MLX: variants seen among roughly 807,000 people sequenced by gnomAD.
MLX encodes MAX dimerization protein MLX.
In MLX, 15 loss-of-function variants were observed where a neutral mutation model predicts 33.0. The observed-to-expected ratio is 0.45, with a 90% CI of 0.30 to 0.70. The LOEUF is 0.70. Ranked by LOEUF, MLX falls within the 30% of genes least tolerant of loss-of-function variation. The pLI is 0.07. For missense variants in MLX, 285 were observed against 306.3 expected (o/e 0.93, Z 0.52); for synonymous variants, 115 against 115.6 (o/e 0.99, Z 0.03).
chr17:42,570,232 G>C, intron 7 of MLX, 49 bp downstream of exon 7: 1 of 1,582,886 alleles, frequency 6.3e-7, no homozygotes, highest in East Asian at 2.2e-5. Context: ...CTACCATCAA[G>C]CAAAGTGGCC....
In MLX at chr17:42,572,579, C is replaced by CTAGT; in HGVS notation, c.*977_*978insAGTT. 2.2e-6 allele frequency: 1 copy of CTAGT among 453,798 alleles called. No individual in the cohort carries two copies. The highest frequency in any genetic ancestry group is 4.4e-6 in the Non-Finnish European group (1 of 226,456). 28.1% of individuals were successfully genotyped at this position (453,798 alleles called of 1,614,324 possible). ...CCAAATGCTCGTTTTATAGCAACCT[C>CTAGT]TCTCTACCCTAGTTCTCCAAATTCA... On this transcript the variant is annotated 3_prime_UTR_variant, in exon 8 of 8. Transcript: ENST00000435881.
rs1398163676 is a variant in MLX, at chr17:42,572,017, A to C, written c.*414A>C. 1 of 257,230 alleles carries C rather than the reference A, an allele frequency of 3.9e-6. No homozygotes were observed. Among genetic ancestry groups the C allele is most frequent in the Non-Finnish European group, 7.5e-6 (1 of 133,176 alleles). The allele number at this position is 257,230 out of a possible 1,614,324, so 15.9% of individuals were successfully genotyped here. A position where few individuals can be genotyped will look rare whatever the true frequency, so the allele number is the denominator to read the frequency against. Reference sequence around the variant, plus strand: ...AACATTTTTGGCCCAAGTTTGGGCAACATTTGGCCCAAGTTTGGGCATTTT... The same window carrying C: ...AACATTTTTGGCCCAAGTTTGGGCACCATTTGGCCCAAGTTTGGGCATTTT... On this transcript the variant is annotated 3_prime_UTR_variant, in exon 8 of 8. Transcript: ENST00000435881.
intron 1 of MLX, 113 bp downstream of exon 1, chr17:42,567,279 C>G: frequency 7.4e-7 from 1 of 1,347,048 alleles, no homozygotes; most frequent in Non-Finnish European, 9.6e-7. Context: ...CCCACGCTCT[C>G]CGTGCCCCGG....
intron 7 of MLX, 57 bp from the exon 8 acceptor site, chr17:42,571,490 A>C: frequency 1.3e-6 from 2 of 1,579,544 alleles, no homozygotes; most frequent in South Asian, 1.1e-5. Flanking sequence ...GGCATCTTGG[A>C]AACTACTCTG....
chr17:42,567,708 C>G, intron 2 of MLX, 53 bp downstream of exon 2: 2 of 1,613,080 alleles, frequency 1.2e-6, no homozygotes, highest in Non-Finnish European at 1.7e-6. Context: ...CCCAGGCTCT[C>G]TAGATTCTTG....
At position 42,572,034 on chromosome 17, in the gene MLX, G is replaced by T; in HGVS notation, c.*431G>T. ...TTTGGGCAACATTTGGCCCAAGTTT[G>T]GGCATTTTGGCAGTAGCTGTATGGG... On this transcript the variant is annotated 3_prime_UTR_variant, in exon 8 of 8. Transcript: ENST00000435881. 1 of 255,222 alleles carries T rather than the reference G, an allele frequency of 3.9e-6. No homozygotes were observed. Among genetic ancestry groups the T allele is most frequent in the South Asian group, 4.2e-5 (1 of 23,896 alleles). The allele number at this position is 255,222 out of a possible 1,614,324, so 15.8% of individuals were successfully genotyped here. A position where few individuals can be genotyped will look rare whatever the true frequency, so the allele number is the denominator to read the frequency against.
At position 42,569,774 on chromosome 17, in the gene MLX, C is replaced by T. The variant is rs1160263424; in HGVS notation, c.476+168C>T. 13 of 718,778 alleles carry T rather than the reference C, an allele frequency of 1.8e-5. No individual in the cohort carries two copies. The East Asian group carries it at 3.2e-4, about 18-fold the overall frequency. The allele number at this position is 718,778 out of a possible 1,614,324, so 44.5% of individuals were successfully genotyped here. A position where few individuals can be genotyped will look rare whatever the true frequency, so the allele number is the denominator to read the frequency against. ...CAACTGTCCTTACACATGGCAGACA[C>T]TCAGGAAATGCCTGTTGGATTAATG... On this transcript the variant is annotated intron_variant, in intron 6 of 7. Coordinates refer to ENST00000435881, the MANE Select transcript of MLX (RefSeq NM_198204.2).
chr17:42,568,077 T>C, intron 2 of MLX: 1 of 229,420 alleles, frequency 4.4e-6, no homozygotes, highest in South Asian at 6.6e-5. Context: ...AAAGCCATTG[T>C]GTGGCCGGGC....
At chr17:42,571,190 T>A (rs1179852428) in intron 7 of MLX, among the ~76,000 whole-genome samples, 1 of 139,444 alleles carries the variant, frequency 7.2e-6, no homozygotes, top group Non-Finnish European at 1.5e-5. Flanking sequence ...AAGGCTGGAG[T>A]GCAGTGGTGT....
At chr17:42,569,467 T>C (rs774431952) in intron 5 of MLX, 40 bp from the exon 6 acceptor site, 39 of 1,566,076 alleles carry the variant, frequency 2.5e-5, no homozygotes, top group Non-Finnish European at 3.3e-5. Flanking sequence ...TGGTTGAGAA[T>C]ACTTCTGTAC....
chr17:42,569,768 C>T, intron 6 of MLX, 162 bp downstream of exon 6: 1 of 720,938 alleles, frequency 1.4e-6, no homozygotes, highest in Non-Finnish European at 2.4e-6. Context: ...TTACACATGG[C>T]AGACACTCAG....
In MLX at chr17:42,567,639, C is replaced by T. The variant is rs756809459; in HGVS notation, c.63C>T (p.Asp21=). 6.2e-7 allele frequency: 1 copy of T among 1,613,996 alleles called. No individual in the cohort carries two copies. The highest frequency in any genetic ancestry group is 8.5e-7 in the Non-Finnish European group (1 of 1,180,004). ...PWVKVEYAYS[D]NSLDPGLFVE... ...CGCAGGTGGAGTATGCCTACAGCGACAACAGCCTGGACCCCGGTGAGTAGC... is the reference window on the plus strand; with the variant it reads ...CGCAGGTGGAGTATGCCTACAGCGATAACAGCCTGGACCCCGGTGAGTAGC... Residue 21 remains aspartate, a synonymous_variant, in exon 2 of 8, where the codon GAC becomes GAT. Transcript: ENST00000435881.
At position 42,572,919 on chromosome 17, in the gene MLX, T is replaced by C. The variant is rs1239953808; in HGVS notation, c.*1316T>C. On this transcript the variant is annotated 3_prime_UTR_variant, in exon 8 of 8. Transcript: ENST00000435881. ...AACAAGGTAGCCAGTGCAAGACATC[T>C]CACTCTTCTGACATCCTGCAGTCCC... 1.3e-6 allele frequency: 2 copies of C among 1,598,952 alleles called. No homozygotes were observed. Among genetic ancestry groups the C allele is most frequent in the East Asian group, 4.5e-5 (2 of 44,802 alleles).
At chr17:42,571,329 T>C (rs571441230) in intron 7 of MLX, among the ~76,000 whole-genome samples, 3 of 152,192 alleles carry the variant, frequency 2.0e-5, no homozygotes, top group East Asian at 3.9e-4. Flanking sequence ...AGACGGGGTT[T>C]CACTATGTTG....
At position 42,568,576 on chromosome 17, in the gene MLX, C is replaced by G. The variant is rs975554340; in HGVS notation, c.169+17C>G. 1.9e-6 allele frequency: 3 copies of G among 1,604,872 alleles called. No homozygotes were observed. The highest frequency in any genetic ancestry group is 4.5e-5 in the East Asian group (2 of 44,814). On this transcript the variant is annotated intron_variant, in intron 3 of 7. Coordinates refer to ENST00000435881, the MANE Select transcript of MLX (RefSeq NM_198204.2). Reference sequence around the variant, plus strand: ...CCAACACAGGTAGGCAGTAACATCCCCCCCGACCTCGGGGGGCTCAGATAT... The same window carrying G: ...CCAACACAGGTAGGCAGTAACATCCGCCCCGACCTCGGGGGGCTCAGATAT...
chr17:42,567,541 G>C, intron 1 of MLX, 78 bp from the exon 2 acceptor site: 3 of 1,603,142 alleles, frequency 1.9e-6, no homozygotes, highest in Non-Finnish European at 2.6e-6. Context: ...GGGGCGCGCT[G>C]TGCGTGCCTG....
At position 42,567,101 on chromosome 17, in the gene MLX, C is replaced by T. The variant is rs985463424; in HGVS notation, c.-24C>T. 8 of 1,239,316 alleles carry T rather than the reference C, an allele frequency of 6.5e-6. No homozygotes were observed. Among genetic ancestry groups the T allele is most frequent in the Middle Eastern group, 3.1e-4 (1 of 3,224 alleles). 76.8% of individuals were successfully genotyped at this position (1,239,316 alleles called of 1,614,324 possible). ...GCCGCAGGGGGCCCGCCCGCTGGCCCGTTTCCGGTCCGGTGGGTACAAGAT... is the reference window on the plus strand; with the variant it reads ...GCCGCAGGGGGCCCGCCCGCTGGCCTGTTTCCGGTCCGGTGGGTACAAGAT... On this transcript the variant is annotated 5_prime_UTR_variant, in exon 1 of 8. Coordinates refer to ENST00000435881, the MANE Select transcript of MLX (RefSeq NM_198204.2).
chr17:42,568,778 C>A, intron 3 of MLX, 59 bp from the exon 4 acceptor site: 5 of 1,450,050 alleles, frequency 3.4e-6, no homozygotes, highest in South Asian at 1.2e-5. Context: ...GAAAGGTGGG[C>A]TAGCTGGACC....
chr17:42,571,431 G>C, intron 7 of MLX, 116 bp from the exon 8 acceptor site: 7 of 1,148,344 alleles, frequency 6.1e-6, no homozygotes, highest in South Asian at 2.5e-5. Flanking sequence ...CTGGCCCCCG[G>C]GGGGCTATTT....
Sources: gnomAD v4.1 joint callset for allele counts (sites outside exome capture counted in the v4.1 genomes callset) on GRCh38, gnomAD v4.1.1 for gene constraint, MANE v1.5 for transcripts, NCBI Gene and HGNC (gene_info 2026-07-23, HGNC 2026-07-21) for gene names.